The following NR3C1 variants were observed in gnomAD, a reference collection of about 807,000 sequenced individuals.
NR3C1 encodes nuclear receptor subfamily 3 group C member 1, also known as glucocorticoid receptor.
In NR3C1, 14 loss-of-function variants were observed where a neutral mutation model predicts 74.0. The ratio of observed to expected loss-of-function variants is 0.19; its 90% CI spans 0.12 to 0.30. NR3C1 has a LOEUF of 0.30. Ranked by LOEUF, NR3C1 falls within the 10% of genes least tolerant of loss-of-function variation. The probability of loss-of-function intolerance (pLI) is 1.00; values close to 1 mark genes in which losing one functional copy is unlikely to be tolerated. For synonymous variants in NR3C1, 308 were observed against 332.5 expected (o/e 0.93, Z 0.80); for missense variants, 695 against 909.8 (o/e 0.76, Z 3.04).
chr5:143,405,398 G>A, upstream of NR3C1: 8 of 974,504 alleles, frequency 8.2e-6, no homozygotes, highest in African/African-American at 1.8e-5. Context: ...GATTGGGGAA[G>A]CGCGTCCCGG....
At chr5:143,402,954 C>T in intron 1 of NR3C1, 1 of 742,092 alleles carries the variant, frequency 1.3e-6, no homozygotes, top group Non-Finnish European at 1.6e-6. Context: ...GACAGGGCTC[C>T]GCTCGCCGTC....
intron 2 of NR3C1, among the ~76,000 whole-genome samples, chr5:143,356,380 A>G (rs925632857): frequency 2.6e-5 from 4 of 152,252 alleles, no homozygotes; most frequent in Admixed American, 1.3e-4. Flanking sequence ...CATCCAGAGA[A>G]ATAGAAAATA....
At chr5:143,405,288 C>A (rs1841039035), upstream of NR3C1, 1 of 985,660 alleles carries the variant, frequency 1.0e-6, no homozygotes, top group Non-Finnish European at 1.2e-6. Context: ...GCTGCCGCAG[C>A]TCCACCTAAT....
chr5:143,316,335 G>A (rs1822071074), intron 2 of NR3C1, among the ~76,000 whole-genome samples: 1 of 152,176 alleles, frequency 6.6e-6, no homozygotes, highest in African/African-American at 2.4e-5. Context: ...GGACCAAACA[G>A]TTGTTTGTAT....
rs959555443 is a variant in NR3C1 at position 143,280,496 on chromosome 5, A to C, written c.*1393T>G. 1.3e-5 allele frequency: 2 copies of C among 152,644 alleles called. No homozygotes were observed. The highest frequency in any genetic ancestry group is 2.9e-5 in the Non-Finnish European group (2 of 68,034). 9.5% of individuals were successfully genotyped at this position (152,644 alleles called of 1,614,324 possible). A position where few individuals can be genotyped will look rare whatever the true frequency, so the allele number is the denominator to read the frequency against. ...AATATGTTAAGTTTTGAGTTTACAG[A>C]AAGTTGGTAAGGTGCACACAGAAAG... On this transcript the variant is annotated 3_prime_UTR_variant, in exon 9 of 9. Coordinates refer to ENST00000394464, the MANE Select transcript of NR3C1 (RefSeq NM_000176.3).
chr5:143,378,542 C>T (rs886318673), intron 2 of NR3C1, among the ~76,000 whole-genome samples: 1 of 152,126 alleles, frequency 6.6e-6, no homozygotes, highest in East Asian at 1.9e-4. Flanking sequence ...TCTCAGTTTC[C>T]AGTTCTTTGA....
At chr5:143,389,952 A>C (rs1402900829) in intron 2 of NR3C1, 1 of 976,428 alleles carries the variant, frequency 1.0e-6, no homozygotes, top group Admixed American at 6.2e-5. Context: ...GGGGAGAAAG[A>C]ACAAATATCC....
chr5:143,417,911 C>T (rs918169631), intron 1 of NR3C1, among the ~76,000 whole-genome samples: 1 of 152,152 alleles, frequency 6.6e-6, no homozygotes, highest in Non-Finnish European at 1.5e-5. Flanking sequence ...GGATTTGATC[C>T]TTATGAAACC....
intron 6 of NR3C1, among the ~76,000 whole-genome samples, chr5:143,295,835 G>A (rs1817048744): frequency 1.3e-5 from 2 of 152,028 alleles, no homozygotes; most frequent in Non-Finnish European, 2.9e-5. Flanking sequence ...TTTCTATCAT[G>A]CATGCCATGT....
At chr5:143,301,977 A>C (rs1326147027) in intron 4 of NR3C1, among the ~76,000 whole-genome samples, 2 of 152,100 alleles carry the variant, frequency 1.3e-5, no homozygotes, top group African/African-American at 4.8e-5. Context: ...TCAAAATAGA[A>C]ACAGAATCAT....
At chr5:143,357,947 T>C (rs148336042) in intron 2 of NR3C1, among the ~76,000 whole-genome samples, 1 of 152,302 alleles carries the variant, frequency 6.6e-6, no homozygotes, top group African/African-American at 2.4e-5. Flanking sequence ...CGTAAAACCC[T>C]GAGATAACAA....
chr5:143,435,278 G>A, exon 1 of NR3C1: 1 of 985,410 alleles, frequency 1.0e-6, no homozygotes, highest in Non-Finnish European at 1.2e-6. Context: ...TTACGGTCCT[G>A]CAGGGCTTGA....
rs778286682 is a variant in NR3C1, at chr5:143,314,101, G to A, written c.1252C>T (p.Pro418Ser). The A allele has an allele frequency of 2.5e-6, 4 of 1,613,836 alleles. No homozygotes were observed. Among genetic ancestry groups the A allele is most frequent in the Middle Eastern group, 1.7e-4 (1 of 6,058 alleles). Reference sequence around the variant, plus strand: ...TCAGAGCACACCAGGCAGAGTTTGGGAGGTGGTCCTGTTGTTGCTGTTGAG... The same window carrying A: ...TCAGAGCACACCAGGCAGAGTTTGGAAGGTGGTCCTGTTGTTGCTGTTGAG... Reference protein sequence around the residue: ...SSSTATTGPPPKLCLVCSDEA... With the variant: ...SSSTATTGPPSKLCLVCSDEA... Residue 418 changes from proline to serine, a missense_variant, in exon 3 of 9, where the codon CCC becomes TCC. By Grantham distance (74) the Pro-to-Ser change is moderately conservative. Transcript: ENST00000394464.
upstream of NR3C1, chr5:143,405,135 G>A (rs1392086444): frequency 2.0e-6 from 2 of 985,516 alleles, no homozygotes; most frequent in East Asian, 1.1e-4. Context: ...ACGATGCCGG[G>A]ACCGAGCCTC....
At chr5:143,394,928 ACCC>A (rs1478227722) in intron 2 of NR3C1, among the ~76,000 whole-genome samples, 1 of 151,604 alleles carries the variant, frequency 6.6e-6, no homozygotes, top group East Asian at 1.9e-4. Context: ...TTCACCCTCC[ACCC>A]CCAATTAATT....
At chr5:143,307,534 T>C (rs1257758868) in intron 4 of NR3C1, among the ~76,000 whole-genome samples, 1 of 152,210 alleles carries the variant, frequency 6.6e-6, no homozygotes, top group Non-Finnish European at 1.5e-5. Flanking sequence ...TTAAACTTTA[T>C]ATGTATTCAG....
intron 1 of NR3C1, among the ~76,000 whole-genome samples, chr5:143,422,070 A>G (rs1751264412): frequency 6.6e-6 from 1 of 152,026 alleles, no homozygotes; most frequent in Admixed American, 6.6e-5. Context: ...CTTCTCCATG[A>G]TCTTTACTAA....
At chr5:143,344,455 G>A (rs1021859874) in intron 2 of NR3C1, among the ~76,000 whole-genome samples, 6 of 152,146 alleles carry the variant, frequency 3.9e-5, no homozygotes, top group African/African-American at 1.4e-4. Context: ...TTATGAATGA[G>A]GACATTTAAG....
chr5:143,418,337 T>G (rs1751022271), intron 1 of NR3C1, among the ~76,000 whole-genome samples: 1 of 151,814 alleles, frequency 6.6e-6, no homozygotes, highest in African/African-American at 2.4e-5. Context: ...TGGGTTTTGG[T>G]TTTGGCTTTG....
Sources: gnomAD v4.1 joint callset for allele counts (sites outside exome capture counted in the v4.1 genomes callset) on GRCh38, gnomAD v4.1.1 for gene constraint, MANE v1.5 for transcripts, NCBI Gene and HGNC (gene_info 2026-07-23, HGNC 2026-07-21) for gene names.